Variants in TSHZ2 observed in about 807,000 individuals in gnomAD.
TSHZ2 encodes the protein teashirt zinc finger homeobox 2, also known as teashirt homolog 2.
A neutral mutation model predicts 74.4 loss-of-function variants in TSHZ2; 21 were observed. The ratio of observed to expected loss-of-function variants is 0.28; its 90% CI spans 0.20 to 0.41. The LOEUF is 0.41. Among genes scored for constraint, TSHZ2 ranks in the 10% least tolerant of loss-of-function variants. TSHZ2 has a pLI of 1.00. For synonymous variants in TSHZ2, 540 were observed against 515.3 expected (o/e 1.05, Z -0.65); for missense variants, 1,244 against 1,293.5 (o/e 0.96, Z 0.59).
chr20:53,246,036 C>CTTTTTTTTTTTTTTTTTTTTTTTT (rs201257665), intron 1 of TSHZ2, among the ~76,000 whole-genome samples: 5 of 126,766 alleles, frequency 3.9e-5, no homozygotes, highest in African/African-American at 1.6e-4. Flanking sequence ...TTCTTTCTTT[C>CTTTTTTTTTTTTTTTTTTTTTTTT]TTTCTTTTTT....
intron 2 of TSHZ2, among the ~76,000 whole-genome samples, chr20:53,396,207 G>A (rs1016442557): frequency 2.6e-5 from 4 of 152,204 alleles, no homozygotes; most frequent in African/African-American, 9.7e-5. Context: ...AGAGTGCTGG[G>A]ATTACAGGCG....
At chr20:53,165,121 A>G (rs1302476837) in intron 1 of TSHZ2, among the ~76,000 whole-genome samples, 4 of 152,016 alleles carry the variant, frequency 2.6e-5, no homozygotes, top group South Asian at 2.1e-4. Context: ...GGATGGATGG[A>G]TGGGTGGATG....
chr20:53,387,920 G>A (rs1034406890), intron 2 of TSHZ2, among the ~76,000 whole-genome samples: 4 of 151,958 alleles, frequency 2.6e-5, no homozygotes, highest in African/African-American at 9.7e-5. Flanking sequence ...GTGGCAGCAT[G>A]CGCCTGTAGT....
At chr20:53,274,306 G>A (rs1485685600) in intron 2 of TSHZ2, among the ~76,000 whole-genome samples, 2 of 152,104 alleles carry the variant, frequency 1.3e-5, no homozygotes, top group Non-Finnish European at 2.9e-5. Flanking sequence ...CTATTTTCAT[G>A]CTTCTCCAGG....
At chr20:53,387,030 G>A (rs1256962923) in intron 2 of TSHZ2, among the ~76,000 whole-genome samples, 4 of 151,758 alleles carry the variant, frequency 2.6e-5, no homozygotes, top group African/African-American at 9.7e-5. Flanking sequence ...TGATGTCCTC[G>A]GGTTTCAGAG....
At chr20:53,391,725 C>A (rs1982266854) in intron 2 of TSHZ2, among the ~76,000 whole-genome samples, 1 of 152,154 alleles carries the variant, frequency 6.6e-6, no homozygotes, top group South Asian at 2.1e-4. Flanking sequence ...GGTGGATCAC[C>A]TGAGATCAGG....
chr20:53,235,514 G>A (rs1207693835), intron 1 of TSHZ2, among the ~76,000 whole-genome samples: 4 of 152,098 alleles, frequency 2.6e-5, no homozygotes, highest in Non-Finnish European at 4.4e-5. Flanking sequence ...GTACCAGAAA[G>A]CCACTTTCAT....
rs573471428 is a variant in TSHZ2 at position 53,169,331 on chromosome 20, C to G, written c.41-84168C>G. Among the ~76,000 whole-genome samples, 4 of 152,334 alleles carry G rather than the reference C, an allele frequency of 2.6e-5. No individual in the cohort carries two copies. The South Asian group carries it at 8.3e-4, about 32-fold the overall frequency. ...AAGCCATAATTGTACCAGCTTCTGG[C>G]CTCTCAACGTCATTGCTCCAGCCGT... On this transcript the variant is annotated intron_variant, in intron 1 of 2. Transcript: ENST00000371497.
At chr20:53,087,734 A>G (rs1046104514) in intron 1 of TSHZ2, among the ~76,000 whole-genome samples, 2 of 152,226 alleles carry the variant, frequency 1.3e-5, no homozygotes, top group Non-Finnish European at 2.9e-5. Flanking sequence ...TAGTATGTCT[A>G]TTGATTCGGC....
At position 53,253,773 on chromosome 20, in the gene TSHZ2, C is replaced by T; in HGVS notation, c.315C>T (p.Asp105=). The T allele has an allele frequency of 6.2e-7, 1 of 1,614,200 alleles. No homozygotes were observed. The highest frequency in any genetic ancestry group is 8.5e-7 in the Non-Finnish European group (1 of 1,180,028). ...IKSVCGRDAS[D]KKAHTHVRLP... ...GTGTCTGCGGCAGAGATGCCTCAGA[C>T]AAGAAAGCACACACTCACGTCAGGC... Residue 105 remains aspartate (D), a synonymous_variant, in exon 2 of 3, where the codon GAC becomes GAT. Coordinates refer to ENST00000371497, the MANE Select transcript of TSHZ2 (RefSeq NM_173485.6).
intron 2 of TSHZ2, among the ~76,000 whole-genome samples, chr20:53,330,679 A>G (rs80272369): frequency 0.012 from 1,857 of 152,242 alleles, 21 homozygotes; most frequent in South Asian, 0.022. Flanking sequence ...TCTTGACACT[A>G]AAAAAAGAAA....
chr20:53,270,182 A>G (rs1174634086), intron 2 of TSHZ2, among the ~76,000 whole-genome samples: 1 of 151,968 alleles, frequency 6.6e-6, no homozygotes, highest in African/African-American at 2.4e-5. Context: ...ATGCACCTGC[A>G]GCTCTCTTCT....
At chr20:53,124,873 T>C (rs568518751) in intron 1 of TSHZ2, among the ~76,000 whole-genome samples, 1 of 152,312 alleles carries the variant, frequency 6.6e-6, no homozygotes, top group Admixed American at 6.5e-5. Flanking sequence ...TAGCAAACTT[T>C]TTCTGTAAAG....
At chr20:53,375,204 G>C (rs140241324) in intron 2 of TSHZ2, among the ~76,000 whole-genome samples, 54 of 152,234 alleles carry the variant, frequency 3.5e-4, no homozygotes, top group African/African-American at 1.2e-3. Context: ...ATTGATTCTA[G>C]AATGTGGCAA....
At chr20:53,192,531 G>A (rs1180782560) in intron 1 of TSHZ2, among the ~76,000 whole-genome samples, 2 of 148,082 alleles carry the variant, frequency 1.4e-5, no homozygotes, top group African/African-American at 2.5e-5. Context: ...ATTTTAAGGT[G>A]AGCACAAAAG....
chr20:53,219,069 CAGTT>C (rs1373821028), intron 1 of TSHZ2, among the ~76,000 whole-genome samples: 1 of 152,160 alleles, frequency 6.6e-6, no homozygotes, highest in South Asian at 2.1e-4. Flanking sequence ...AACAAGAAAA[CAGTT>C]AGGTAAAAGA....
chr20:53,180,002 G>A (rs1378055910), intron 1 of TSHZ2, among the ~76,000 whole-genome samples: 2 of 152,146 alleles, frequency 1.3e-5, no homozygotes, highest in East Asian at 1.9e-4. Context: ...AGGAAAATAC[G>A]CATTTCACCA....
intron 1 of TSHZ2, among the ~76,000 whole-genome samples, chr20:52,977,456 A>G (rs1298761215): frequency 6.7e-6 from 1 of 149,478 alleles, no homozygotes; most frequent in Non-Finnish European, 1.5e-5. Context: ...ACACACACAC[A>G]CACACACACA....
intron 2 of TSHZ2, among the ~76,000 whole-genome samples, chr20:53,425,279 G>T (rs1034462713): frequency 1.3e-5 from 2 of 152,140 alleles, no homozygotes; most frequent in African/African-American, 4.8e-5. Flanking sequence ...TTCTGGTTTT[G>T]GAACCTCATT....
Sources: gnomAD v4.1 joint callset for allele counts (sites outside exome capture counted in the v4.1 genomes callset) on GRCh38, gnomAD v4.1.1 for gene constraint, MANE v1.5 for transcripts, NCBI Gene and HGNC (gene_info 2026-07-23, HGNC 2026-07-21) for gene names.